TRIM6: variants seen among roughly 807,000 people sequenced by gnomAD.
The protein encoded by TRIM6 is tripartite motif-containing protein 6.
Under a neutral mutation model 51.2 loss-of-function variants are expected in TRIM6, and 43 were observed. The ratio of observed to expected loss-of-function variants is 0.84; its 90% CI spans 0.66 to 1.08. The LOEUF is 1.08. Among genes scored for constraint, TRIM6 ranks in the 50% least tolerant of loss-of-function variants. The pLI, the probability that TRIM6 is intolerant of heterozygous loss-of-function variation, is 0.00. For missense variants in TRIM6, 669 were observed against 619.0 expected (o/e 1.08, Z -0.86); for synonymous variants, 215 against 232.4 (o/e 0.93, Z 0.68).
At position 5,605,452 on chromosome 11, in the gene TRIM6, G is replaced by A; in HGVS notation, c.719G>A (p.Gly240Glu). The change falls in exon 4 of 8, where the codon GGG becomes GAG. Residue 240 changes from glycine to glutamate, a missense_variant. Physicochemically the swap from Gly to Glu is moderately conservative, Grantham distance 98. Coordinates refer to ENST00000380097, the MANE Select transcript of TRIM6 (RefSeq NM_001003818.3). ...AAGCTGGAACAGGAAGAGAAGAAGG[G>A]GCTACGAATTATAGAAGAGGCTGAG... is the stretch of plus-strand genomic sequence containing the variant. Reference protein sequence around the residue: ...LKKLEQEEKKGLRIIEEAEND... With the variant: ...LKKLEQEEKKELRIIEEAEND... 1 of 1,614,182 alleles carries A rather than the reference G, an allele frequency of 6.2e-7. No individual in the cohort carries two copies. The highest frequency in any genetic ancestry group is 1.1e-5 in the South Asian group (1 of 91,080).
At chr11:5,603,834 T>TA in intron 2 of TRIM6, 99 bp downstream of exon 2, 1 of 1,485,270 alleles carries the variant, frequency 6.7e-7, no homozygotes, top group South Asian at 1.4e-5. Context: ...AGTCTTTATT[T>TA]ACCTAGAGAA....
chr11:5,611,492 C>A lies in TRIM6; in HGVS notation c.*150C>A. 1.4e-6 allele frequency: 1 copy of A among 735,072 alleles called. No individual in the cohort carries two copies. The highest frequency in any genetic ancestry group is 2.2e-6 in the Non-Finnish European group (1 of 453,554). The allele number at this position is 735,072 out of a possible 1,614,324, so 45.5% of individuals were successfully genotyped here. A position where few individuals can be genotyped will look rare whatever the true frequency, so the allele number is the denominator to read the frequency against. On this transcript the variant is annotated 3_prime_UTR_variant, in exon 8 of 8. Transcript: ENST00000380097. ...TTTTTGAGATGGAATCTCGCTCTGTCGCCCAGGCTGGAGTGCACTGGCGCA... is the reference window on the plus strand; with the variant it reads ...TTTTTGAGATGGAATCTCGCTCTGTAGCCCAGGCTGGAGTGCACTGGCGCA...
intron 3 of TRIM6, 127 bp downstream of exon 3, chr11:5,604,756 G>C: frequency 3.1e-6 from 3 of 967,666 alleles, no homozygotes; most frequent in Admixed American, 2.9e-5. Context: ...CCCTTTGCCT[G>C]GTCCTCCACT....
intron 4 of TRIM6, among the ~76,000 whole-genome samples, chr11:5,607,926 G>T (rs896514665): frequency 2.0e-5 from 3 of 152,120 alleles, no homozygotes; most frequent in African/African-American, 4.8e-5. Flanking sequence ...AATGGATGAA[G>T]TCAGCAAAGG....
At chr11:5,610,008 G>T in intron 5 of TRIM6, 137 bp from the exon 6 acceptor site, 1 of 789,390 alleles carries the variant, frequency 1.3e-6, no homozygotes, top group Non-Finnish European at 2.0e-6. Context: ...CAGTGCCAGG[G>T]CTGTTTGCAG....
intron 3 of TRIM6, 42 bp downstream of exon 3, chr11:5,604,671 A>G (rs780135153): frequency 6.3e-7 from 1 of 1,595,456 alleles, no homozygotes; most frequent in East Asian, 2.2e-5. Flanking sequence ...GGCAGGAATC[A>G]TGGCAGGTCA....
rs1163171997 is a variant in TRIM6 at position 5,612,307 on chromosome 11, A to G, written c.*965A>G. ...TTGAGCTCTAAAACCAAACCATTAT[A>G]ATGATAATTTGGGTAGCTTCAAACT... is the stretch of plus-strand genomic sequence containing the variant. On this transcript the variant is annotated 3_prime_UTR_variant, in exon 8 of 8. Transcript: ENST00000380097. The G allele has an allele frequency of 3.3e-5, 5 of 152,208 alleles. No individual in the cohort carries two copies. Among genetic ancestry groups the G allele is most frequent in the Non-Finnish European group, 5.9e-5 (4 of 68,048 alleles). The allele number at this position is 152,208 out of a possible 1,614,324, so 9.4% of individuals were successfully genotyped here.
chr11:5,605,896 C>G (rs967019484), intron 4 of TRIM6, among the ~76,000 whole-genome samples: 15 of 152,152 alleles, frequency 9.9e-5, no homozygotes, highest in Non-Finnish European at 2.2e-4. Flanking sequence ...CTGGATAATT[C>G]TTTGCTGCGT....
intron 1 of TRIM6, among the ~76,000 whole-genome samples, chr11:5,601,498 T>C (rs375779984): frequency 1.5e-3 from 222 of 152,184 alleles, no homozygotes; most frequent in Admixed American, 3.9e-3. Context: ...TGGCTCACGC[T>C]TGTAATCCCA....
intron 4 of TRIM6, among the ~76,000 whole-genome samples, chr11:5,607,761 CAA>C (rs747769403): frequency 2.6e-5 from 4 of 152,248 alleles, no homozygotes; most frequent in Non-Finnish European, 5.9e-5. Flanking sequence ...GGAAGGGAGA[CAA>C]GAGTTGCCGA....
intron 3 of TRIM6, 66 bp from the exon 4 acceptor site, chr11:5,605,271 G>A (rs1172135254): frequency 1.1e-5 from 17 of 1,607,542 alleles, no homozygotes; most frequent in African/African-American, 5.3e-5. Flanking sequence ...CAACTTCCCC[G>A]CTTTTAATAG....
rs1460222643 is a variant in TRIM6, at chr11:5,603,299, G to C, written c.71G>C (p.Arg24Thr). The C allele has an allele frequency of 6.2e-7, 1 of 1,614,120 alleles. No homozygotes were observed. Among genetic ancestry groups the C allele is most frequent in the South Asian group, 1.1e-5 (1 of 91,082 alleles). Reference protein sequence around the residue: ...LEIRVGQAGARRVATMTSPVL... With the variant: ...LEIRVGQAGATRVATMTSPVL... ...ATCAGGGTTGGGCAGGCAGGAGCCA[G>C]GAGAGTAGCTACAATGACTTCACCA... The change falls in exon 2 of 8, where the codon AGG (arginine) becomes ACG (threonine). Residue 24 changes from arginine (R) to threonine (T), a missense_variant. Physicochemically the swap from Arg to Thr is moderately conservative, Grantham distance 71. Coordinates refer to ENST00000380097, the MANE Select transcript of TRIM6 (RefSeq NM_001003818.3).
Position 5,611,415 on chromosome 11 carries a change from T to C in TRIM6, c.*73T>C. 1 of 1,200,106 alleles carries C rather than the reference T, an allele frequency of 8.3e-7. No individual in the cohort carries two copies. Among genetic ancestry groups the C allele is most frequent in the Non-Finnish European group, 1.2e-6 (1 of 844,242 alleles). 74.3% of individuals were successfully genotyped at this position (1,200,106 alleles called of 1,614,324 possible). A position where few individuals can be genotyped will look rare whatever the true frequency, so the allele number is the denominator to read the frequency against. Reference sequence around the variant, plus strand: ...CAGCATGTGATTCTCCCTTCTGATCTTCTGTTTTTCTGTGTTCTCAATTCT... The same window carrying C: ...CAGCATGTGATTCTCCCTTCTGATCCTCTGTTTTTCTGTGTTCTCAATTCT... On this transcript the variant is annotated 3_prime_UTR_variant, in exon 8 of 8. Coordinates refer to ENST00000380097, the MANE Select transcript of TRIM6 (RefSeq NM_001003818.3).
In TRIM6 at chr11:5,606,296, G is replaced by A. The variant is rs553470449; in HGVS notation, c.834+729G>A. Reference sequence around the variant, plus strand: ...GCTCTGGTCTGTATGTGTGTAGGTCGCAGATTACAAGGTATCAAGCCTAGA... The same window carrying A: ...GCTCTGGTCTGTATGTGTGTAGGTCACAGATTACAAGGTATCAAGCCTAGA... On this transcript the variant is annotated intron_variant, in intron 4 of 7. Coordinates refer to ENST00000380097, the MANE Select transcript of TRIM6 (RefSeq NM_001003818.3). 4.6e-5 allele frequency among the ~76,000 whole-genome samples: 7 copies of A among 151,326 alleles called. No individual in the cohort carries two copies. The East Asian group carries it at 5.9e-4, about 13-fold the overall frequency.
At position 5,611,976 on chromosome 11, in the gene TRIM6, G is replaced by A. The variant is rs538099921; in HGVS notation, c.*634G>A. ...AAGTTTTTGTATAAAATGAAAACTC[G>A]TATTCTACCTATGTCTTTTCTGTAA... On this transcript the variant is annotated 3_prime_UTR_variant, in exon 8 of 8. Transcript: ENST00000380097. The A allele has an allele frequency of 2.6e-4, 40 of 152,202 alleles. No individual in the cohort carries two copies. Among genetic ancestry groups the A allele is most frequent in the African/African-American group, 5.1e-4 (21 of 41,530 alleles). The allele number at this position is 152,202 out of a possible 1,614,324, so 9.4% of individuals were successfully genotyped here.
At chr11:5,600,032 T>C (rs1477757193) in intron 1 of TRIM6, among the ~76,000 whole-genome samples, 1 of 152,212 alleles carries the variant, frequency 6.6e-6, no homozygotes, top group Non-Finnish European at 1.5e-5. Flanking sequence ...ACAGGTGTGA[T>C]TAATTTGGTT....
chr11:5,611,493 G>A lies in TRIM6; in HGVS notation c.*151G>A, dbSNP rs369878443. ...TTTTGAGATGGAATCTCGCTCTGTC[G>A]CCCAGGCTGGAGTGCACTGGCGCAA... On this transcript the variant is annotated 3_prime_UTR_variant, in exon 8 of 8. Coordinates refer to ENST00000380097, the MANE Select transcript of TRIM6 (RefSeq NM_001003818.3). The A allele has an allele frequency of 1.4e-5, 10 of 726,544 alleles. 1 individual carries two copies. The highest frequency in any genetic ancestry group is 2.0e-5 in the Non-Finnish European group (9 of 447,420). The allele number at this position is 726,544 out of a possible 1,614,324, so 45.0% of individuals were successfully genotyped here. A position where few individuals can be genotyped will look rare whatever the true frequency, so the allele number is the denominator to read the frequency against.
In TRIM6 at chr11:5,605,336, G is replaced by C; in HGVS notation, c.604-1G>C. 6.2e-7 allele frequency: 1 copy of C among 1,614,054 alleles called. No individual in the cohort carries two copies. Among genetic ancestry groups the C allele is most frequent in the Non-Finnish European group, 8.5e-7 (1 of 1,180,016 alleles). ...CCTCTTTTTCTTCCCTGTTCCTGAA[G>C]AATCAGATGGAGCCTGAGAGATGCA... On this transcript the variant is annotated splice_acceptor_variant, in intron 3 of 7. Coordinates refer to ENST00000380097, the MANE Select transcript of TRIM6 (RefSeq NM_001003818.3). LOFTEE classifies it high-confidence loss of function.
intron 1 of TRIM6, among the ~76,000 whole-genome samples, chr11:5,599,618 T>C (rs1450806630): frequency 1.3e-5 from 2 of 152,116 alleles, no homozygotes; most frequent in East Asian, 3.9e-4. Context: ...TTAGCCAGGA[T>C]GGTCTCGATC....
Sources: gnomAD v4.1 joint callset for allele counts (sites outside exome capture counted in the v4.1 genomes callset) on GRCh38, gnomAD v4.1.1 for gene constraint, MANE v1.5 for transcripts, NCBI Gene and HGNC (gene_info 2026-07-23, HGNC 2026-07-21) for gene names.